The following CORO2B variants were observed in gnomAD, a reference collection of about 807,000 sequenced individuals.
CORO2B encodes the protein coronin 2B, also known as coronin-2B.
CORO2B carries 26 observed loss-of-function variants against 58.8 expected under a neutral mutation model. The observed-to-expected ratio is 0.44, with a 90% CI of 0.32 to 0.61. The LOEUF is 0.61. CORO2B is among the 20% of genes least tolerant of loss of function. The pLI, the probability that CORO2B is intolerant of heterozygous loss-of-function variation, is 0.04. For missense variants in CORO2B, 460 were observed against 645.1 expected, an observed-to-expected ratio of 0.71 and a Z score of 3.11; for synonymous variants, 242 against 253.8, an observed-to-expected ratio of 0.95 and a Z score of 0.44.
At chr15:68,622,350 C>T (rs549803797) in intron 1 of CORO2B, among the ~76,000 whole-genome samples, 16 of 152,252 alleles carry the variant, frequency 1.1e-4, no homozygotes, top group Admixed American at 3.9e-4. Flanking sequence ...TTCCCTTGAG[C>T]GTGAGCTGAC....
At chr15:68,554,266 A>G in the CORO2B span, among the ~76,000 whole-genome samples, 1 of 152,128 alleles carries the variant, frequency 6.6e-6, no homozygotes, top group Admixed American at 6.5e-5. Flanking sequence ...ACAGGTGCCC[A>G]TTGTGGAAGG....
At chr15:68,664,933 G>T (rs1416996068) in intron 2 of CORO2B, among the ~76,000 whole-genome samples, 1 of 152,092 alleles carries the variant, frequency 6.6e-6, no homozygotes, top group Non-Finnish European at 1.5e-5. Context: ...TGGAATATGA[G>T]TTGCAAGTAT....
intron 2 of CORO2B, among the ~76,000 whole-genome samples, chr15:68,655,262 G>A (rs749457768): frequency 6.6e-6 from 1 of 152,226 alleles, no homozygotes; most frequent in Non-Finnish European, 1.5e-5. Flanking sequence ...AACGGTGCTG[G>A]AATTGAGACG....
chr15:68,629,670 C>A (rs1595977751), intron 1 of CORO2B, among the ~76,000 whole-genome samples: 1 of 152,156 alleles, frequency 6.6e-6, no homozygotes. Flanking sequence ...GGTCAGGGGA[C>A]CAGCAGGAGG....
At chr15:68,552,040 G>T in the CORO2B span, among the ~76,000 whole-genome samples, 5 of 152,090 alleles carry the variant, frequency 3.3e-5, no homozygotes, top group Non-Finnish European at 5.9e-5. Context: ...GAACCCAGAA[G>T]GGGCTTTGGT....
intron 1 of CORO2B, among the ~76,000 whole-genome samples, chr15:68,621,410 G>A (rs532676587): frequency 3.3e-5 from 5 of 152,340 alleles, no homozygotes; most frequent in African/African-American, 9.6e-5. Flanking sequence ...GCTTCGCAGC[G>A]CTGGAGACAT....
chr15:68,560,534 A>C, the CORO2B span, among the ~76,000 whole-genome samples: 1 of 152,104 alleles, frequency 6.6e-6, no homozygotes, highest in African/African-American at 2.4e-5. Flanking sequence ...CCTGGCCTCA[A>C]GTGATCTTCC....
At chr15:68,667,360 T>A (rs1902227069) in intron 2 of CORO2B, among the ~76,000 whole-genome samples, 1 of 152,230 alleles carries the variant, frequency 6.6e-6, no homozygotes, top group Non-Finnish European at 1.5e-5. Flanking sequence ...TCCTGCCATG[T>A]CCTTGCCATG....
intron 1 of CORO2B, among the ~76,000 whole-genome samples, chr15:68,587,734 C>T (rs1400756692): frequency 6.6e-6 from 1 of 152,190 alleles, no homozygotes; most frequent in Non-Finnish European, 1.5e-5. Flanking sequence ...TCATGACAGC[C>T]TATGAAGTCT....
intron 5 of CORO2B, among the ~76,000 whole-genome samples, chr15:68,712,565 A>G (rs567685132): frequency 2.0e-5 from 3 of 152,222 alleles, no homozygotes; most frequent in African/African-American, 7.2e-5. Context: ...AATCTGAAAC[A>G]CTTCTGGGCC....
rs976860569 is a variant in CORO2B at position 68,689,890 on chromosome 15, T to C, written c.217-5250T>C. On this transcript the variant is annotated intron_variant, in intron 2 of 11. Coordinates refer to ENST00000261861, the MANE Select transcript of CORO2B (RefSeq NM_006091.5). The stretch of plus-strand genomic sequence containing the variant: ...AGCACTGCAAAGTGATGTGCTGGGG[T>C]TGGCTTGTGTTGGCTCGTGAGAGCC... 2.6e-5 allele frequency among the ~76,000 whole-genome samples: 4 copies of C among 152,292 alleles called. No individual in the cohort carries two copies. In the East Asian group the frequency reaches 5.8e-4, roughly 22 times the overall value.
chr15:68,616,892 A>G (rs966282913), intron 1 of CORO2B, among the ~76,000 whole-genome samples: 1 of 152,212 alleles, frequency 6.6e-6, no homozygotes. Context: ...GTTTTGTTTT[A>G]TTTGGAAGAC....
Position 68,718,687 on chromosome 15 carries a change from G to A in CORO2B, c.968-11G>A, listed in dbSNP as rs754133751. 135 of 1,611,756 alleles carry A rather than the reference G, an allele frequency of 8.4e-5. No homozygotes were observed. Among genetic ancestry groups the A allele is most frequent in the Middle Eastern group, 3.3e-4 (2 of 6,080 alleles). On this transcript the variant is annotated splice_polypyrimidine_tract_variant and intron_variant, in intron 8 of 11. Coordinates refer to ENST00000261861, the MANE Select transcript of CORO2B (RefSeq NM_006091.5). ...TGGGACCCCATGGAGCCACATGTGT[G>A]CCTGTTACAGGGGTCATGCCCAAGC... is the stretch of plus-strand genomic sequence containing the variant.
intron 1 of CORO2B, chr15:68,641,505 G>T: frequency 2.0e-6 from 2 of 984,344 alleles, no homozygotes; most frequent in Non-Finnish European, 2.4e-6. Context: ...AGAAGGGGGA[G>T]GGTGGACGAG....
intron 1 of CORO2B, among the ~76,000 whole-genome samples, chr15:68,642,286 T>A (rs533139349): frequency 1.3e-5 from 2 of 152,042 alleles, no homozygotes; most frequent in East Asian, 3.9e-4. Context: ...GGGATTTGAA[T>A]CTAGGTGTGC....
At chr15:68,554,489 C>T in the CORO2B span, among the ~76,000 whole-genome samples, 2 of 152,126 alleles carry the variant, frequency 1.3e-5, no homozygotes, top group African/African-American at 2.4e-5. Flanking sequence ...AGCCCAGGCA[C>T]CTTCCTTTTG....
chr15:68,703,136 ATC>A (rs1454431030), intron 3 of CORO2B, among the ~76,000 whole-genome samples: 1 of 133,924 alleles, frequency 7.5e-6, no homozygotes, highest in South Asian at 2.4e-4. Context: ...CAGAAACCAT[ATC>A]TTTCTTTTTT....
rs74020241 is a variant in CORO2B at position 68,580,868 on chromosome 15, C to T, written c.15+1591C>T. On this transcript the variant is annotated intron_variant, in intron 1 of 11. Coordinates refer to ENST00000261861, the MANE Select transcript of CORO2B (RefSeq NM_006091.5). The stretch of plus-strand genomic sequence containing the variant: ...TGCGCGAGCTCATGCAGCCTTCCTT[C>T]CCTGGAGGCCTGCAAGGAAGGTGTG... Among the ~76,000 whole-genome samples the T allele has an allele frequency of 3.8e-3, 585 of 152,220 alleles. 1 individual carries two copies. Among genetic ancestry groups the T allele is most frequent in the African/African-American group, 0.013 (545 of 41,526 alleles).
At chr15:68,650,871 T>C (rs1901619525) in intron 2 of CORO2B, among the ~76,000 whole-genome samples, 1 of 152,180 alleles carries the variant, frequency 6.6e-6, no homozygotes. Flanking sequence ...GTGCAGGGTG[T>C]GCACTGGGTA....
Sources: allele counts gnomAD v4.1 joint callset (sites outside exome capture counted in the v4.1 genomes callset), GRCh38; gene constraint gnomAD v4.1.1; transcripts MANE v1.5; gene names NCBI Gene and HGNC (gene_info 2026-07-23, HGNC 2026-07-21).